IMMP2L: variants seen among roughly 807,000 people sequenced by gnomAD.
The protein encoded by IMMP2L is mitochondrial inner membrane protease subunit 2.
In IMMP2L, 18 loss-of-function variants were observed where a neutral mutation model predicts 19.3. The observed-to-expected ratio is 0.93, with a 90% confidence interval of 0.64 to 1.38. The LOEUF (loss-of-function observed/expected upper bound fraction) is 1.38. IMMP2L is among the 40% of genes most tolerant of loss of function. The pLI, the probability that IMMP2L is intolerant of heterozygous loss-of-function variation, is 0.00. For synonymous variants in IMMP2L, 76 were observed against 73.0 expected, an observed-to-expected ratio of 1.04 and a Z score of -0.21; for missense variants, 233 against 218.2, an observed-to-expected ratio of 1.07 and a Z score of -0.43.
At chr7:111,061,789 T>C (rs1289463113) in intron 3 of IMMP2L, among the ~76,000 whole-genome samples, 3 of 152,228 alleles carry the variant, frequency 2.0e-5, no homozygotes, top group Admixed American at 6.5e-5. Context: ...AATGATTTCA[T>C]TGATTTACAT....
chr7:110,834,631 G>T (rs919488882), intron 5 of IMMP2L, among the ~76,000 whole-genome samples: 10 of 152,078 alleles, frequency 6.6e-5, no homozygotes, highest in African/African-American at 2.4e-4. Context: ...CACAGCTTTT[G>T]TAGTTTAGTA....
At chr7:111,436,306 C>G (rs964393293) in intron 3 of IMMP2L, among the ~76,000 whole-genome samples, 1 of 151,324 alleles carries the variant, frequency 6.6e-6, no homozygotes, top group Non-Finnish European at 1.5e-5. Context: ...CAACAGGCAA[C>G]ATGGAAAAGC....
At chr7:111,414,776 G>A (rs936713184) in intron 3 of IMMP2L, among the ~76,000 whole-genome samples, 4 of 151,688 alleles carry the variant, frequency 2.6e-5, no homozygotes, top group South Asian at 2.1e-4. Flanking sequence ...TTATATGAGA[G>A]CTCTCTACAA....
chr7:110,931,588 T>C (rs1198920528), intron 4 of IMMP2L, among the ~76,000 whole-genome samples: 1 of 152,194 alleles, frequency 6.6e-6, no homozygotes, highest in African/African-American at 2.4e-5. Flanking sequence ...TACTGTAGTT[T>C]CTTTCCATTT....
intron 3 of IMMP2L, among the ~76,000 whole-genome samples, chr7:111,403,120 T>C (rs1833607729): frequency 6.6e-6 from 1 of 151,632 alleles, no homozygotes; most frequent in Non-Finnish European, 1.5e-5. Context: ...AAATCTCATC[T>C]CAAATTGTAA....
At chr7:111,310,515 T>C (rs1327568449) in intron 3 of IMMP2L, among the ~76,000 whole-genome samples, 1 of 152,146 alleles carries the variant, frequency 6.6e-6, no homozygotes, top group African/African-American at 2.4e-5. Context: ...ATCAAATACA[T>C]ATTGCTTTAA....
intron 3 of IMMP2L, among the ~76,000 whole-genome samples, chr7:111,312,048 G>A (rs941016214): frequency 2.0e-5 from 3 of 152,072 alleles, no homozygotes; most frequent in Non-Finnish European, 2.9e-5. Context: ...TTTCCATGAG[G>A]AAAGCATTTG....
At chr7:111,159,277 A>T (rs1047585074) in intron 3 of IMMP2L, among the ~76,000 whole-genome samples, 4 of 151,930 alleles carry the variant, frequency 2.6e-5, no homozygotes, top group African/African-American at 9.7e-5. Context: ...CACCACGCCC[A>T]GCTAATTTTT....
intron 3 of IMMP2L, among the ~76,000 whole-genome samples, chr7:111,330,321 G>C (rs1270145228): frequency 1.3e-5 from 2 of 151,652 alleles, no homozygotes; most frequent in South Asian, 2.1e-4. Flanking sequence ...AAAGTAAAAA[G>C]GGTCAAAGAG....
chr7:110,762,687 G>A (rs1798422405), intron 5 of IMMP2L, among the ~76,000 whole-genome samples: 1 of 152,098 alleles, frequency 6.6e-6, no homozygotes, highest in Admixed American at 6.6e-5. Flanking sequence ...GAAATCCTAT[G>A]GAGGTTTCTA....
chr7:111,547,438 C>A (rs1290246595), intron 1 of IMMP2L, among the ~76,000 whole-genome samples: 2 of 151,878 alleles, frequency 1.3e-5, no homozygotes, highest in Non-Finnish European at 2.9e-5. Context: ...AGTATGGGCC[C>A]AAATTCATGC....
chr7:110,962,025 A>G (rs1055166424), intron 4 of IMMP2L, among the ~76,000 whole-genome samples: 6 of 151,954 alleles, frequency 3.9e-5, no homozygotes, highest in African/African-American at 1.4e-4. Flanking sequence ...CATTTATACT[A>G]AAACTCATTG....
intron 3 of IMMP2L, among the ~76,000 whole-genome samples, chr7:110,986,618 A>G (rs1821888141): frequency 2.0e-5 from 3 of 152,204 alleles, no homozygotes; most frequent in South Asian, 4.1e-4. Context: ...AGCTAACAGA[A>G]TTTTTAAAAG....
At chr7:110,790,702 A>T (rs1014753731) in intron 5 of IMMP2L, among the ~76,000 whole-genome samples, 1 of 151,710 alleles carries the variant, frequency 6.6e-6, no homozygotes, top group Non-Finnish European at 1.5e-5. Context: ...ACTTTAAACA[A>T]GGGTCCTATT....
chr7:111,403,656 G>GA (rs1337977223), intron 3 of IMMP2L, among the ~76,000 whole-genome samples: 2 of 151,960 alleles, frequency 1.3e-5, no homozygotes, highest in Non-Finnish European at 2.9e-5. Flanking sequence ...AGAATCACAG[G>GA]AAAAAAGTTA....
chr7:111,070,098 T>G (rs983909110), intron 3 of IMMP2L, among the ~76,000 whole-genome samples: 7 of 152,154 alleles, frequency 4.6e-5, no homozygotes, highest in Non-Finnish European at 8.8e-5. Flanking sequence ...TTCACATTTT[T>G]GTGAGGAATG....
At chr7:111,156,739 A>G (rs985577213) in intron 3 of IMMP2L, among the ~76,000 whole-genome samples, 7 of 151,748 alleles carry the variant, frequency 4.6e-5, no homozygotes, top group Non-Finnish European at 1.0e-4. Context: ...CTTTCAAGCT[A>G]GCACAGAGAA....
chr7:110,940,865 A>G (rs1040846833), intron 4 of IMMP2L, among the ~76,000 whole-genome samples: 2 of 152,090 alleles, frequency 1.3e-5, no homozygotes, highest in Admixed American at 1.3e-4. Context: ...AAATGAAAGA[A>G]CTTGCAAAGT....
chr7:110,753,831 A>C (rs994386548), intron 5 of IMMP2L, among the ~76,000 whole-genome samples: 17 of 151,856 alleles, frequency 1.1e-4, no homozygotes, highest in African/African-American at 3.6e-4. Flanking sequence ...TAGACAGCGG[A>C]GGAAAATTGT....
Sources: allele counts gnomAD v4.1 joint callset (sites outside exome capture counted in the v4.1 genomes callset), GRCh38; gene constraint gnomAD v4.1.1; transcripts MANE v1.5; gene names NCBI Gene and HGNC (gene_info 2026-07-23, HGNC 2026-07-21).